The following ENTPD8 variants were observed in gnomAD, a reference collection of about 807,000 sequenced individuals.
ENTPD8 encodes ectonucleoside triphosphate diphosphohydrolase 8.
A neutral mutation model predicts 47.0 loss-of-function variants in ENTPD8; 35 were observed. The ratio of observed to expected loss-of-function variants is 0.75; its 90% confidence interval spans 0.57 to 0.99. The LOEUF is 0.99. ENTPD8 is among the 50% of genes least tolerant of loss of function. The pLI is 0.00. For synonymous variants in ENTPD8, 308 were observed against 290.5 expected (o/e 1.06, Z -0.61); for missense variants, 668 against 649.9 (o/e 1.03, Z -0.30).
At chr9:137,437,663 C>T (rs1839408270) in intron 3 of ENTPD8, among the ~76,000 whole-genome samples, 1 of 152,218 alleles carries the variant, frequency 6.6e-6, no homozygotes, top group Non-Finnish European at 1.5e-5. Context: ...CTACCAGCCT[C>T]GGCTGCCAGC....
In ENTPD8 at chr9:137,436,770, A is replaced by G. The variant is rs765753413; in HGVS notation, c.556-19T>C. 7 of 1,602,608 alleles carry G rather than the reference A, an allele frequency of 4.4e-6. No homozygotes were observed. Among genetic ancestry groups the G allele is most frequent in the South Asian group, 1.1e-5 (1 of 90,800 alleles). ...AGGAGTACTGGGCACAGAAGGGGCC[A>G]CTCAGCTGGGAGCAGCCACCCGGAC... On this transcript the variant is annotated intron_variant, in intron 5 of 9. Transcript: ENST00000371506.
In ENTPD8 at chr9:137,436,879, G is replaced by C; in HGVS notation, c.545C>G (p.Thr182Arg). 6.2e-7 allele frequency: 1 copy of C among 1,612,542 alleles called. No individual in the cohort carries two copies. The highest frequency in any genetic ancestry group is 8.5e-7 in the Non-Finnish European group (1 of 1,179,828). The change falls in exon 5 of 10, where the codon ACG (threonine) becomes AGG (arginine). Residue 182 changes from threonine (T) to arginine (R), a missense_variant. Thr to Arg is a moderately conservative substitution (Grantham distance 71, BLOSUM62 -1). Transcript: ENST00000371506. ...GGCAGCCTGTGGCACCTTGACCAGC[G>C]TCCCCAAGCCGTAGTTGACAGTGAT... ...GWITVNYGLGTLVKYSFTGEW... is the reference protein window; with the variant it reads ...GWITVNYGLGRLVKYSFTGEW...
In ENTPD8 at chr9:137,436,652, C is replaced by T; in HGVS notation, c.655G>A (p.Gly219Ser). 6.2e-7 allele frequency: 1 copy of T among 1,602,226 alleles called. No individual in the cohort carries two copies. The highest frequency in any genetic ancestry group is 8.5e-7 in the Non-Finnish European group (1 of 1,175,106). Residue 219 changes from glycine to serine, a missense_variant, in exon 6 of 10, where the codon GGC (glycine) becomes AGC (serine). Physicochemically the swap from Gly to Ser is moderately conservative, Grantham distance 56. Transcript: ENST00000371506. Reference sequence around the variant, plus strand: ...TGGGTGCTCTTGTCCAAGATGGGGCCCCCAGGCACGAACGTGATCTGGGTG... The same window carrying T: ...TGGGTGCTCTTGTCCAAGATGGGGCTCCCAGGCACGAACGTGATCTGGGTG... ...ASTQITFVPG[G>S]PILDKSTQAD...
Position 137,435,756 on chromosome 9 carries a change from G to GCGTTGAC in ENTPD8, c.1117_1123dup (p.Ala375GlyfsTer241), listed in dbSNP as rs1259709822. The GCGTTGAC allele has an allele frequency of 3.1e-6, 5 of 1,613,458 alleles. No homozygotes were observed. The African/African-American group carries it at 6.7e-5, about 22-fold the overall frequency. On this transcript the variant is annotated frameshift_variant, in exon 8 of 10. Coordinates refer to ENST00000371506, the MANE Select transcript of ENTPD8 (RefSeq NM_001033113.2). LOFTEE classifies it high-confidence loss of function. ...CCTCTGGCAAAACTCCCAGATGGTGGCGTTGACCGTGCTCAGGGGCTGCCT... is the reference window on the plus strand; with the variant it reads ...CCTCTGGCAAAACTCCCAGATGGTGGCGTTGACCGTTGACCGTGCTCAGGGGCTGCCT...
chr9:137,436,438 C>T (rs1839360347), intron 6 of ENTPD8, 83 bp downstream of exon 6: 1 of 1,383,652 alleles, frequency 7.2e-7, no homozygotes, highest in Non-Finnish European at 9.9e-7. Flanking sequence ...GTGCCCCCTC[C>T]CCGGGGCCGG....
intron 7 of ENTPD8, 79 bp from the exon 8 acceptor site, chr9:137,435,908 C>G (rs1839336461): frequency 6.2e-7 from 1 of 1,604,956 alleles, no homozygotes; most frequent in Admixed American, 1.7e-5. Context: ...TCCCAGAGCC[C>G]CTAAGAGCCA....
rs758650930 is a variant in ENTPD8 at position 137,436,517 on chromosome 9, T to C, written c.786+4A>G. 14 of 1,600,562 alleles carry C rather than the reference T, an allele frequency of 8.7e-6. No homozygotes were observed. The highest frequency in any genetic ancestry group is 5.2e-5 in the Admixed American group (3 of 57,914). On this transcript the variant is annotated splice_donor_region_variant and intron_variant, in intron 6 of 9. Transcript: ENST00000371506. Reference sequence around the variant, plus strand: ...CCCATGCACCCTCCCCAGGGCCAGCTGACCTGTACCAGCCCCACGAGGAGC... The same window carrying C: ...CCCATGCACCCTCCCCAGGGCCAGCCGACCTGTACCAGCCCCACGAGGAGC...
At position 137,435,521 on chromosome 9, in the gene ENTPD8, G is replaced by A. The variant is rs181397246; in HGVS notation, c.1162-183C>T. ...GTGCGGGTTGCGGCCCCTTCTTGGC[G>A]GGCCAGAGGCTGGGCCCAGCTGCGG... On this transcript the variant is annotated intron_variant, in intron 8 of 9. Coordinates refer to ENST00000371506, the MANE Select transcript of ENTPD8 (RefSeq NM_001033113.2). 1.4e-3 allele frequency among the ~76,000 whole-genome samples: 216 copies of A among 152,248 alleles called. 2 individuals are homozygous for A. The highest frequency in any genetic ancestry group is 2.5e-3 in the Non-Finnish European group (171 of 68,026).
rs1349600913 is a variant in ENTPD8, at chr9:137,435,188, C to T, written c.1296+16G>A. 2 of 1,607,888 alleles carry T rather than the reference C, an allele frequency of 1.2e-6. No individual in the cohort carries two copies. Among genetic ancestry groups the T allele is most frequent in the Non-Finnish European group, 1.7e-6 (2 of 1,178,022 alleles). On this transcript the variant is annotated intron_variant, in intron 9 of 9. Transcript: ENST00000371506. ...CCCACGCCCACGCCCCGCCCACGCC[C>T]AGGGGAGGCAGTCACCTGCTTTCGG...
chr9:137,434,867 G>A lies in ENTPD8; in HGVS notation c.*47C>T, dbSNP rs778192572. On this transcript the variant is annotated 3_prime_UTR_variant, in exon 10 of 10. Coordinates refer to ENST00000371506, the MANE Select transcript of ENTPD8 (RefSeq NM_001033113.2). ...GGCTCAGGAAGCCTCCAGCATCCGGGACGCAGCTGCCTGTGGGCTCTGTGG... is the reference window on the plus strand; with the variant it reads ...GGCTCAGGAAGCCTCCAGCATCCGGAACGCAGCTGCCTGTGGGCTCTGTGG... The A allele has an allele frequency of 6.5e-7, 1 of 1,532,668 alleles. No individual in the cohort carries two copies. The highest frequency in any genetic ancestry group is 8.8e-7 in the Non-Finnish European group (1 of 1,138,980). 94.9% of individuals were successfully genotyped at this position (1,532,668 alleles called of 1,614,324 possible). A position where few individuals can be genotyped will look rare whatever the true frequency, so the allele number is the denominator to read the frequency against.
In ENTPD8 at chr9:137,436,107, G is replaced by A. The variant is rs1186349411; in HGVS notation, c.956C>T (p.Ala319Val). The change falls in exon 7 of 10, where the codon GCC becomes GTC. Residue 319 changes from alanine to valine, a missense_variant. Transcript: ENST00000371506. The stretch of plus-strand genomic sequence containing the variant: ...GGAGAAGTTGAAAAGTTCCCGGATG[G>A]CTGAGACGCAGGCTCCAGGGTTGCC... ...GTGNPGACVS[A>V]IRELFNFSSC... 6.2e-7 allele frequency: 1 copy of A among 1,613,034 alleles called. No individual in the cohort carries two copies. The highest frequency in any genetic ancestry group is 8.5e-7 in the Non-Finnish European group (1 of 1,179,988).
Position 137,435,029 on chromosome 9 carries a change from G to A in ENTPD8, c.1373C>T (p.Ala458Val). 2 of 1,612,848 alleles carry A rather than the reference G, an allele frequency of 1.2e-6. No individual in the cohort carries two copies. Among genetic ancestry groups the A allele is most frequent in the South Asian group, 1.1e-5 (1 of 91,074 alleles). ...GCCGTAGCTCTCTGCCCGCCACTGA[G>A]CCGGCGCATCGGCCGGGATCATCCC... ...LTGMIPADAPAQWRAESYGVW... is the reference protein window; with the variant it reads ...LTGMIPADAPVQWRAESYGVW... Residue 458 changes from alanine (A) to valine (V), a missense_variant, in exon 10 of 10, where the codon GCT becomes GTT. Transcript: ENST00000371506.
Position 137,434,976 on chromosome 9 carries a change from C to T in ENTPD8, c.1426G>A (p.Val476Met), listed in dbSNP as rs138538218. ...CCCACCACCGCCACCAGGGCCAGCACCATGAACACCACTTTGGCCACCCAG... is the reference window on the plus strand; with the variant it reads ...CCCACCACCGCCACCAGGGCCAGCATCATGAACACCACTTTGGCCACCCAG... The part of the protein sequence containing the change: ...GVWVAKVVFM[V>M]LALVAVVGAA... Residue 476 changes from valine to methionine, a missense_variant, in exon 10 of 10, where the codon GTG becomes ATG. Transcript: ENST00000371506. 3 of 1,612,878 alleles carry T rather than the reference C, an allele frequency of 1.9e-6. No individual in the cohort carries two copies. The highest frequency in any genetic ancestry group is 2.5e-6 in the Non-Finnish European group (3 of 1,179,904).
Position 137,438,004 on chromosome 9 carries a change from C to G in ENTPD8, c.207G>C (p.Thr69=). 6.2e-7 allele frequency: 1 copy of G among 1,612,838 alleles called. No individual in the cohort carries two copies. The highest frequency in any genetic ancestry group is 8.5e-7 in the Non-Finnish European group (1 of 1,179,910). Residue 69 remains threonine, a synonymous_variant, in exon 3 of 10, where the codon ACG becomes ACC. Coordinates refer to ENST00000371506, the MANE Select transcript of ENTPD8 (RefSeq NM_001033113.2). This position sits in a 1 kb window ranked among gnomAD's most constrained non-coding sequence, Gnocchi z 5.7. ...YQWLANKENG[T]GVVSQALACQ... ...AGGCCAGGGCCTGGCTGACCACACC[C>G]GTGCCATTCTCCTTGTTCGCCAGCC...
chr9:137,436,097 T>A lies in ENTPD8; in HGVS notation c.966A>T (p.Glu322Asp). Residue 322 changes from glutamate (E) to aspartate (D), a missense_variant, in exon 7 of 10, where the codon GAA becomes GAT. Physicochemically the swap from Glu to Asp is conservative, Grantham distance 45 (BLOSUM62 2). Transcript: ENST00000371506. ...CCTGGCAGCTGGAGAAGTTGAAAAG[T>A]TCCCGGATGGCTGAGACGCAGGCTC... is the stretch of plus-strand genomic sequence containing the variant. ...NPGACVSAIR[E>D]LFNFSSCQGQ... The A allele has an allele frequency of 6.2e-7, 1 of 1,612,968 alleles. No individual in the cohort carries two copies. Among genetic ancestry groups the A allele is most frequent in the African/African-American group, 1.3e-5 (1 of 75,052 alleles).
rs1015803516 is a variant in ENTPD8 at position 137,437,305 on chromosome 9, A to T, written c.249T>A (p.Pro83=). ...SQALACQVEG[P]GISSYTSNAA... is the part of the protein sequence containing the mutation. ...CATTAGAAGTGTAGGAGGAGATTCC[A>T]GGCCCTGGAACAGCAGCCGGGGACA... Residue 83 remains proline (P), a synonymous_variant, in exon 4 of 10, where the codon CCT becomes CCA. Coordinates refer to ENST00000371506, the MANE Select transcript of ENTPD8 (RefSeq NM_001033113.2). 1 of 1,610,452 alleles carries T rather than the reference A, an allele frequency of 6.2e-7. No individual in the cohort carries two copies.
chr9:137,440,301 C>T (rs1312052910), intron 1 of ENTPD8, among the ~76,000 whole-genome samples: 1 of 24,998 alleles, frequency 4.0e-5, no homozygotes, highest in African/African-American at 1.9e-4. Flanking sequence ...CCAGGACAGC[C>T]CCCGCCAGAC....
rs1839339312 is a variant in ENTPD8, at chr9:137,436,011, A to C, written c.1050+2T>G. On this transcript the variant is annotated splice_donor_variant, in intron 7 of 9. Coordinates refer to ENST00000371506, the MANE Select transcript of ENTPD8 (RefSeq NM_001033113.2). LOFTEE classifies it high-confidence loss of function. ...CCTGGTGGGGGCAGTGTAGGTGCTCACATAGAACTGGCCCCGCAGCGGGGG... is the reference window on the plus strand; with the variant it reads ...CCTGGTGGGGGCAGTGTAGGTGCTCCCATAGAACTGGCCCCGCAGCGGGGG... 1 of 1,612,562 alleles carries C rather than the reference A, an allele frequency of 6.2e-7. No individual in the cohort carries two copies. The highest frequency in any genetic ancestry group is 8.5e-7 in the Non-Finnish European group (1 of 1,179,908).
chr9:137,434,677 G>A lies in ENTPD8; in HGVS notation c.*237C>T, dbSNP rs1182076224. The A allele has an allele frequency of 3.2e-6, 2 of 624,046 alleles. No individual in the cohort carries two copies. Among genetic ancestry groups the A allele is most frequent in the African/African-American group, 3.7e-5 (2 of 54,106 alleles). 38.7% of individuals were successfully genotyped at this position (624,046 alleles called of 1,614,324 possible). ...AGTCCTGGCGGCCTGTGTGCAGAAA[G>A]GCACCTACGGCCCTGGAAGCCCAGT... On this transcript the variant is annotated 3_prime_UTR_variant, in exon 10 of 10. Coordinates refer to ENST00000371506, the MANE Select transcript of ENTPD8 (RefSeq NM_001033113.2).
Sources: gnomAD v4.1 joint callset for allele counts (sites outside exome capture counted in the v4.1 genomes callset) on GRCh38, gnomAD v4.1.1 for gene constraint, Gnocchi (gnomAD v3.1) non-coding constraint, MANE v1.5 for transcripts, NCBI Gene and HGNC (gene_info 2026-07-23, HGNC 2026-07-21) for gene names.